The following OR11A1 variants were observed in gnomAD, a reference collection of about 807,000 sequenced individuals.
OR11A1 encodes olfactory receptor 11A1.
For synonymous variants in OR11A1, 158 were observed against 152.2 expected (o/e 1.04, Z -0.28); for missense variants, 380 against 378.2 (o/e 1.00, Z -0.04).
chr6:29,454,783 C>T (rs890926484), intron 1 of OR11A1, among the ~76,000 whole-genome samples: 3 of 152,030 alleles, frequency 2.0e-5, no homozygotes, highest in Non-Finnish European at 4.4e-5. Context: ...TACACAAAGA[C>T]ACCAAGATAA....
chr6:29,440,826 C>A lies in OR11A1; in HGVS notation c.-388-8839G>T, dbSNP rs200438931. On this transcript the variant is annotated intron_variant, in intron 1 of 4. Transcript: ENST00000377149. ...GGCCAGCTACGATCCGGCCACTGAC[C>A]CTCTGGTGTCCCTCTTCTATGCTGT... 374 of 1,613,792 alleles carry A rather than the reference C, an allele frequency of 2.3e-4. No individual in the cohort carries two copies. Among genetic ancestry groups the A allele is most frequent in the Non-Finnish European group, 3.0e-4 (349 of 1,179,842 alleles).
chr6:29,431,872 T>C lies in OR11A1; in HGVS notation c.-273A>G, dbSNP rs1160421381. 8.1e-6 allele frequency: 8 copies of C among 985,248 alleles called. No homozygotes were observed. The highest frequency in any genetic ancestry group is 9.6e-6 in the Non-Finnish European group (8 of 829,900). The allele number at this position is 985,248 out of a possible 1,614,324, so 61.0% of individuals were successfully genotyped here. On this transcript the variant is annotated 5_prime_UTR_variant, in exon 2 of 5. Transcript: ENST00000377149. ...TACAAAAATAAACGTACCCGAAATA[T>C]CGACCCTGTTCTCTAAAGACAGGAC...
chr6:29,426,766 G>T lies in OR11A1; in HGVS notation c.876C>A (p.Thr292=), dbSNP rs1480953686. 3.1e-6 allele frequency: 5 copies of T among 1,612,928 alleles called. No homozygotes were observed. The highest frequency in any genetic ancestry group is 1.7e-5 in the Admixed American group (1 of 60,010). Residue 292 remains threonine, a synonymous_variant, in exon 5 of 5, where the codon ACC becomes ACA. Coordinates refer to ENST00000377149, the MANE Select transcript of OR11A1 (RefSeq NM_001394828.1). ...VTPLFNPVIY[T]MRNKEVHQAL... ...CCTGATGCACCTCCTTGTTCCTCAT[G>T]GTATAGATCACAGGATTGAAGAGAG...
chr6:29,449,298 G>C (rs1009431487), intron 1 of OR11A1, among the ~76,000 whole-genome samples: 9 of 152,120 alleles, frequency 5.9e-5, no homozygotes, highest in African/African-American at 1.9e-4. Flanking sequence ...AGGAAGGGCA[G>C]GAGGTATACA....
intron 4 of OR11A1, chr6:29,428,283 T>G: frequency 1.0e-6 from 1 of 985,406 alleles, no homozygotes; most frequent in African/African-American, 1.7e-5. Flanking sequence ...TTTCATCAAG[T>G]CATTCAGGAG....
intron 1 of OR11A1, among the ~76,000 whole-genome samples, chr6:29,455,400 ATGACTTAG>A: frequency 6.6e-6 from 1 of 152,378 alleles, no homozygotes; most frequent in Middle Eastern, 3.4e-3. Flanking sequence ...AAGATGCTCA[ATGACTTAG>A]TTGTTGGATA....
chr6:29,428,703 G>A (rs1278693294), intron 4 of OR11A1, among the ~76,000 whole-genome samples: 1 of 131,404 alleles, frequency 7.6e-6, no homozygotes, highest in Non-Finnish European at 1.5e-5. Context: ...CTTGCAGTAA[G>A]CCGATATCGC....
intron 1 of OR11A1, among the ~76,000 whole-genome samples, chr6:29,434,129 T>A (rs538902725): frequency 1.3e-5 from 2 of 152,192 alleles, no homozygotes; most frequent in Non-Finnish European, 2.9e-5. Flanking sequence ...GTCTTTTCAC[T>A]CTATTGTTTC....
At chr6:29,451,580 A>G (rs1169240590) in intron 1 of OR11A1, among the ~76,000 whole-genome samples, 2 of 152,224 alleles carry the variant, frequency 1.3e-5, no homozygotes, top group Non-Finnish European at 2.9e-5. Context: ...GAAGCACATG[A>G]AAAAAATGCC....
In OR11A1 at chr6:29,447,639, A is replaced by T. The variant is rs148866754; in HGVS notation, c.-389+9348T>A. ...TTGTGAATGAGAATGCAGGCCATAT[A>T]CTCTTTGGAGAATCACCATTATGGG... is the stretch of plus-strand genomic sequence containing the variant. On this transcript the variant is annotated intron_variant, in intron 1 of 4. Transcript: ENST00000377149. Among the ~76,000 whole-genome samples, 974 of 152,284 alleles carry T rather than the reference A, an allele frequency of 6.4e-3. 9 individuals carry two copies. Among genetic ancestry groups the T allele is most frequent in the Middle Eastern group, 0.01 (3 of 292 alleles).
intron 1 of OR11A1, chr6:29,440,574 G>T (rs756795900): frequency 1.5e-5 from 25 of 1,613,774 alleles, no homozygotes; most frequent in South Asian, 5.5e-5. Context: ...CCTGCAGCTG[G>T]TATGTGGAGA....
intron 1 of OR11A1, chr6:29,440,547 T>C (rs752527192): frequency 1.2e-6 from 2 of 1,613,902 alleles, no homozygotes; most frequent in East Asian, 2.2e-5. Context: ...GCAGTTCTTC[T>C]GTGAGATCCA....
intron 1 of OR11A1, among the ~76,000 whole-genome samples, chr6:29,441,132 T>C (rs1485292069): frequency 1.3e-5 from 2 of 152,164 alleles, no homozygotes; most frequent in Non-Finnish European, 2.9e-5. Flanking sequence ...TCACAACACA[T>C]ACATATTCTA....
intron 1 of OR11A1, among the ~76,000 whole-genome samples, chr6:29,438,609 T>C (rs1401076862): frequency 6.6e-6 from 1 of 152,170 alleles, no homozygotes; most frequent in African/African-American, 2.4e-5. Context: ...GAGAAACCAA[T>C]AGCTCTGGAT....
chr6:29,445,322 G>A (rs1202848464), intron 1 of OR11A1, among the ~76,000 whole-genome samples: 2 of 152,138 alleles, frequency 1.3e-5, no homozygotes, highest in Non-Finnish European at 2.9e-5. Flanking sequence ...TCATTCTTTA[G>A]CTTTGCAGAA....
At position 29,427,126 on chromosome 6, in the gene OR11A1, G is replaced by A. The variant is rs1327686265; in HGVS notation, c.516C>T (p.Pro172=). The change falls in exon 5 of 5, where the codon CCC becomes CCT. Residue 172 remains proline, a synonymous_variant. Coordinates refer to ENST00000377149, the MANE Select transcript of OR11A1 (RefSeq NM_001394828.1). ...ALVAQLRFCG[P]NHIDQFYCDF... Reference sequence around the variant, plus strand: ...CACAGTAAAACTGGTCAATGTGGTTGGGGCCACAGAACCTCAGCTGGGCCA... The same window carrying A: ...CACAGTAAAACTGGTCAATGTGGTTAGGGCCACAGAACCTCAGCTGGGCCA... 1.2e-6 allele frequency: 2 copies of A among 1,612,968 alleles called. No individual in the cohort carries two copies.
chr6:29,440,774 C>T (rs776669312), intron 1 of OR11A1: 6 of 1,613,828 alleles, frequency 3.7e-6, no homozygotes, highest in African/African-American at 1.3e-5. Flanking sequence ...TCTATGGCAC[C>T]GCACTCTTTA....
intron 1 of OR11A1, among the ~76,000 whole-genome samples, chr6:29,455,295 A>T (rs147600482): frequency 2.0e-5 from 3 of 152,104 alleles, no homozygotes; most frequent in Non-Finnish European, 4.4e-5. Flanking sequence ...TATATGAAGA[A>T]CTCATATACT....
chr6:29,440,383 C>T, intron 1 of OR11A1: 2 of 1,614,154 alleles, frequency 1.2e-6, no homozygotes, highest in Non-Finnish European at 1.7e-6. Flanking sequence ...GACCGCTATG[C>T]AGCCATCTGT....
Sources: allele counts gnomAD v4.1 joint callset (sites outside exome capture counted in the v4.1 genomes callset), GRCh38; gene constraint gnomAD v4.1.1; transcripts MANE v1.5; gene names NCBI Gene and HGNC (gene_info 2026-07-23, HGNC 2026-07-21).